The following ZNF75D variants were observed in gnomAD, a reference collection of about 807,000 sequenced individuals.
The protein encoded by ZNF75D is zinc finger protein 75.
Under a neutral mutation model 33.3 loss-of-function variants are expected in ZNF75D, and 33 were observed. The ratio of observed to expected loss-of-function variants is 0.99; its 90% CI spans 0.75 to 1.32. The LOEUF is 1.32. Among genes scored for constraint, ZNF75D ranks in the 40% most tolerant of loss-of-function variants. The pLI, the probability that ZNF75D is intolerant of heterozygous loss-of-function variation, is 0.00. For synonymous variants in ZNF75D, 113 were observed against 130.6 expected, an observed-to-expected ratio of 0.87 and a Z score of 0.92; for missense variants, 338 against 367.5, an observed-to-expected ratio of 0.92 and a Z score of 0.66.
intron 1 of ZNF75D, among the ~76,000 whole-genome samples, chrX:135,334,522 C>T (rs2084687113): frequency 8.9e-6 from 1 of 111,992 alleles, no homozygotes; most frequent in Admixed American, 9.4e-5. Flanking sequence ...AGCACAATGC[C>T]CACCACTGCT....
chrX:135,261,733 G>A (rs1298756663), intron 1 of ZNF75D, among the ~76,000 whole-genome samples: 6 of 111,762 alleles, frequency 5.4e-5, no homozygotes, highest in African/African-American at 1.6e-4. Context: ...ACACTGATGG[G>A]TCTTGACTCT....
At chrX:135,256,898 A>G (rs1269900851) in intron 1 of ZNF75D, among the ~76,000 whole-genome samples, 1 of 111,895 alleles carries the variant, frequency 8.9e-6, no homozygotes, top group Non-Finnish European at 1.9e-5. Context: ...TCCAGGCCCT[A>G]GCTCCTGGGC....
At chrX:135,302,993 A>C (rs1258703529) in intron 1 of ZNF75D, among the ~76,000 whole-genome samples, 4 of 110,682 alleles carry the variant, frequency 3.6e-5, no homozygotes, top group Admixed American at 9.5e-5. Flanking sequence ...GCAGGTAAAC[A>C]CGTGAACAAA....
intron 5 of ZNF75D, 74 bp from the exon 6 acceptor site, chrX:135,291,209 A>G (rs1243544345): frequency 8.9e-7 from 1 of 1,124,194 alleles, no homozygotes; most frequent in Non-Finnish European, 1.2e-6. Context: ...TCTGAATTAC[A>G]TGGTAGGCCA....
chrX:135,329,345 A>G, intron 1 of ZNF75D, among the ~76,000 whole-genome samples: 1 of 111,762 alleles, frequency 8.9e-6, no homozygotes, highest in Non-Finnish European at 1.9e-5. Context: ...GTGCAGTGGT[A>G]TGATCTTGGC....
chrX:135,321,440 A>G (rs2084494153), intron 1 of ZNF75D, among the ~76,000 whole-genome samples: 1 of 112,461 alleles, frequency 8.9e-6, no homozygotes, highest in African/African-American at 3.2e-5. Context: ...TAGGAAGAGA[A>G]GCAATTAGTG....
At chrX:135,275,597 G>C (rs1556417489) in intron 1 of ZNF75D, among the ~76,000 whole-genome samples, 1 of 110,442 alleles carries the variant, frequency 9.1e-6, no homozygotes, top group East Asian at 2.8e-4. Context: ...TTCATTTGCT[G>C]TTTATTTTCC....
chrX:135,274,867 C>G (rs1556417405), intron 1 of ZNF75D, among the ~76,000 whole-genome samples: 1 of 111,608 alleles, frequency 9.0e-6, no homozygotes, highest in African/African-American at 3.3e-5. Context: ...CTATAAATGC[C>G]CATATCTGAC....
downstream of ZNF75D, among the ~76,000 whole-genome samples, chrX:135,284,243 GC>G (rs1959048069): frequency 8.9e-6 from 1 of 112,199 alleles, no homozygotes. Context: ...AGGCAATGGA[GC>G]TCATGTCTAT....
At chrX:135,275,717 C>T (rs180996908) in intron 1 of ZNF75D, among the ~76,000 whole-genome samples, 67 of 110,231 alleles carry the variant, frequency 6.1e-4, no homozygotes, top group Middle Eastern at 4.7e-3. Context: ...TTCTGTGAAT[C>T]GATATTTTGT....
intron 1 of ZNF75D, among the ~76,000 whole-genome samples, chrX:135,318,620 T>C (rs2084454729): frequency 8.9e-6 from 1 of 111,983 alleles, no homozygotes; most frequent in African/African-American, 3.2e-5. Flanking sequence ...AAAATTAATA[T>C]TCATTAACAA....
intron 1 of ZNF75D, among the ~76,000 whole-genome samples, chrX:135,312,757 T>C (rs184976918): frequency 5.4e-5 from 6 of 110,662 alleles, no homozygotes; most frequent in South Asian, 7.7e-4. Flanking sequence ...TATTTAGTGA[T>C]GTTGAGTACT....
chrX:135,256,719 A>G (rs1295377551), intron 1 of ZNF75D, among the ~76,000 whole-genome samples: 1 of 111,441 alleles, frequency 9.0e-6, no homozygotes, highest in Non-Finnish European at 1.9e-5. Flanking sequence ...AGCTCATAGC[A>G]ATTAAAACGT....
chrX:135,313,606 C>T (rs782224437), intron 1 of ZNF75D, among the ~76,000 whole-genome samples: 33 of 111,960 alleles, frequency 2.9e-4, no homozygotes, highest in Non-Finnish European at 6.2e-4. Context: ...TTCTTCTGAT[C>T]CATGAGCATG....
At chrX:135,292,230 T>G (rs1556421454) in intron 4 of ZNF75D, 51 bp downstream of exon 4, 1 of 1,135,529 alleles carries the variant, frequency 8.8e-7, no homozygotes. Flanking sequence ...CTAGGTGAAC[T>G]AATTACTACC....
In ZNF75D at chrX:135,273,191, C is replaced by G. The variant is rs2083888915; in HGVS notation, n.828-17414G>C. ...GAATATCTCCCTCTCTCTCTCTTTT[C>G]CTTTCCAACTCAGGACTCTTGATGG... On this transcript the variant is annotated intron_variant and non_coding_transcript_variant, in intron 1 of 3. Transcript: ENST00000494295. Among the ~76,000 whole-genome samples, 4 of 111,129 alleles carry G rather than the reference C, an allele frequency of 3.6e-5. No individual in the cohort carries two copies. In the Admixed American group the frequency reaches 3.8e-4, roughly 11 times the overall value.
chrX:135,292,377 C>A lies in ZNF75D; in HGVS notation c.508G>T (p.Gly170Cys). The A allele has an allele frequency of 8.3e-7, 1 of 1,211,411 alleles. No homozygotes were observed. The highest frequency in any genetic ancestry group is 1.7e-5 in the African/African-American group (1 of 57,791). ...TTCCAATATTCTTTCTGGAACACAC[C>A]CATTGGTTGGGGCTCTGCTGGCTTC... is the stretch of plus-strand genomic sequence containing the variant. ...KWKPAEPQPM[G>C]VFQKEYWNTY... is the part of the protein sequence containing the mutation. Residue 170 changes from glycine to cysteine, a missense_variant, in exon 4 of 7, where the codon GGT (glycine) becomes TGT (cysteine). By Grantham distance (159) the Gly-to-Cys change is radical. Transcript: ENST00000370766.
intron 1 of ZNF75D, among the ~76,000 whole-genome samples, chrX:135,331,278 G>A (rs1181134329): frequency 1.8e-5 from 2 of 110,856 alleles, no homozygotes; most frequent in Non-Finnish European, 3.8e-5. Flanking sequence ...AGAATCCCCA[G>A]GTGCACTTAT....
chrX:135,278,472 C>A (rs902510573), intron 1 of ZNF75D, among the ~76,000 whole-genome samples: 3 of 110,782 alleles, frequency 2.7e-5, no homozygotes, highest in Admixed American at 9.6e-5. Context: ...ATTTGAATAC[C>A]CTTTATTTCT....
Sources: allele counts gnomAD v4.1 joint callset (sites outside exome capture counted in the v4.1 genomes callset), GRCh38; gene constraint gnomAD v4.1.1; transcripts MANE v1.5; gene names NCBI Gene and HGNC (gene_info 2026-07-23, HGNC 2026-07-21).